Variants in MARCHF1 observed in about 807,000 individuals in gnomAD.
The protein encoded by MARCHF1 is E3 ubiquitin-protein ligase MARCHF1.
Under a neutral mutation model 54.2 loss-of-function variants are expected in MARCHF1, and 40 were observed. The observed-to-expected ratio is 0.74, with a 90% CI of 0.57 to 0.96. MARCHF1 has a LOEUF of 0.96. MARCHF1 is among the 40% of genes least tolerant of loss of function. The pLI is 0.00. For synonymous variants in MARCHF1, 236 were observed against 236.3 expected, an observed-to-expected ratio of 1.00 and a Z score of 0.01; for missense variants, 586 against 656.5, an observed-to-expected ratio of 0.89 and a Z score of 1.17.
chr4:164,052,389 G>A (rs1272898694), intron 2 of MARCHF1, among the ~76,000 whole-genome samples: 1 of 151,986 alleles, frequency 6.6e-6, no homozygotes, highest in East Asian at 1.9e-4. Flanking sequence ...AAAATTAGCT[G>A]GGCGTGGTGG....
At chr4:163,738,898 T>C (rs544619972) in intron 4 of MARCHF1, among the ~76,000 whole-genome samples, 7 of 152,314 alleles carry the variant, frequency 4.6e-5, no homozygotes, top group African/African-American at 1.7e-4. Context: ...ACCTCCTTCC[T>C]ACATTGTTTT....
chr4:164,208,992 A>C (rs376404310), intron 1 of MARCHF1, among the ~76,000 whole-genome samples: 28 of 150,456 alleles, frequency 1.9e-4, no homozygotes, highest in Admixed American at 4.0e-4. Context: ...TTCTCTCTCT[A>C]TATATAATAT....
At chr4:163,873,902 T>C (rs1248993295) in intron 3 of MARCHF1, among the ~76,000 whole-genome samples, 1 of 152,176 alleles carries the variant, frequency 6.6e-6, no homozygotes, top group East Asian at 1.9e-4. Context: ...CCTAAGAAAA[T>C]GTTGGCATGT....
rs1307221102 is a variant in MARCHF1, at chr4:163,525,858, A to T, written c.*2890T>A. 6.6e-6 allele frequency: 1 copy of T among 152,130 alleles called. No individual in the cohort carries two copies. Among genetic ancestry groups the T allele is most frequent in the Admixed American group, 6.6e-5 (1 of 15,240 alleles). The allele number at this position is 152,130 out of a possible 1,614,324, so 9.4% of individuals were successfully genotyped here. ...CAAAGCTAAATCGTTTTATTGTTTG[A>T]AAGGGCAAATGTTCCATTGCCACAC... On this transcript the variant is annotated 3_prime_UTR_variant, in exon 10 of 10. Coordinates refer to ENST00000514618, the MANE Select transcript of MARCHF1 (RefSeq NM_001394959.1).
At chr4:164,280,972 G>A (rs1005088097) in intron 1 of MARCHF1, among the ~76,000 whole-genome samples, 1 of 152,098 alleles carries the variant, frequency 6.6e-6, no homozygotes, top group African/African-American at 2.4e-5. Flanking sequence ...GGAATGAAGA[G>A]AGGACTGAAT....
intron 3 of MARCHF1, among the ~76,000 whole-genome samples, chr4:163,936,357 C>T (rs748355190): frequency 3.9e-5 from 6 of 152,154 alleles, no homozygotes; most frequent in Non-Finnish European, 8.8e-5. Context: ...TTGCCACAAA[C>T]CTTCAGTGTG....
chr4:164,016,707 A>G (rs543977534), intron 2 of MARCHF1, among the ~76,000 whole-genome samples: 6 of 152,284 alleles, frequency 3.9e-5, no homozygotes, highest in Non-Finnish European at 7.4e-5. Context: ...GGGTACAAAA[A>G]TACAGTTAGA....
At chr4:164,137,009 G>A (rs1756416659) in intron 1 of MARCHF1, among the ~76,000 whole-genome samples, 1 of 152,072 alleles carries the variant, frequency 6.6e-6, no homozygotes, top group Non-Finnish European at 1.5e-5. Flanking sequence ...ATATGTTAAA[G>A]TTTTGTTAGG....
intron 4 of MARCHF1, among the ~76,000 whole-genome samples, chr4:163,852,218 G>A (rs1472657943): frequency 6.6e-6 from 1 of 152,068 alleles, no homozygotes; most frequent in Non-Finnish European, 1.5e-5. Context: ...GTGGCACTAG[G>A]AATGTCAATT....
chr4:163,783,326 C>T (rs964202600), intron 4 of MARCHF1, among the ~76,000 whole-genome samples: 1 of 152,186 alleles, frequency 6.6e-6, no homozygotes, highest in East Asian at 1.9e-4. Context: ...AGAACCTATC[C>T]TGACTAGCTT....
rs939826252 is a variant in MARCHF1 at position 164,123,015 on chromosome 4, C to G, written c.-322-11353G>C. On this transcript the variant is annotated intron_variant, in intron 1 of 9. Coordinates refer to ENST00000514618, the MANE Select transcript of MARCHF1 (RefSeq NM_001394959.1). ...GCATCCAAACTGGAAAGGAAGAAGT[C>G]AAATTATCCTTGTTTTCAGATGATA... 2.0e-5 allele frequency among the ~76,000 whole-genome samples: 3 copies of G among 152,042 alleles called. No individual in the cohort carries two copies. In the East Asian group the frequency reaches 5.8e-4, roughly 29 times the overall value.
chr4:163,562,327 A>C (rs373653096), intron 8 of MARCHF1, among the ~76,000 whole-genome samples: 1 of 141,126 alleles, frequency 7.1e-6, no homozygotes, highest in Non-Finnish European at 1.6e-5. Context: ...AAAACAAAAC[A>C]AAACCCAACA....
At chr4:164,016,514 A>G (rs112344861) in intron 2 of MARCHF1, among the ~76,000 whole-genome samples, 52 of 152,302 alleles carry the variant, frequency 3.4e-4, no homozygotes, top group African/African-American at 1.2e-3. Flanking sequence ...AATGCAATAA[A>G]ATGGATGGAA....
At chr4:163,589,966 G>T (rs974195565) in intron 7 of MARCHF1, among the ~76,000 whole-genome samples, 3 of 151,914 alleles carry the variant, frequency 2.0e-5, no homozygotes, top group Non-Finnish European at 4.4e-5. Flanking sequence ...TACCATTTAT[G>T]ACTGAATAAA....
rs894580206 is a variant in MARCHF1, at chr4:163,776,963, CAT to C, written c.112-76102_112-76101del. On this transcript the variant is annotated intron_variant, in intron 4 of 9. Transcript: ENST00000514618. ...ACAATGCCTTTGTACTCCCTTTACA[CAT>C]GTTTTTATTCTAACCTGTTTTGCTT... 7.9e-5 allele frequency among the ~76,000 whole-genome samples: 12 copies of C among 152,258 alleles called. No individual in the cohort carries two copies. The East Asian group carries it at 1.4e-3, about 17-fold the overall frequency.
At chr4:164,050,275 C>CAAAAAAAAAAAAAAAAA (rs34642436) in intron 2 of MARCHF1, among the ~76,000 whole-genome samples, 6 of 40,192 alleles carry the variant, frequency 1.5e-4, no homozygotes, top group Non-Finnish European at 2.1e-4. Context: ...ACACTGTCTC[C>CAAAAAAAAAAAAAAAAA]AAAAAAAAAA....
chr4:163,855,979 A>G (rs781522536), intron 3 of MARCHF1, among the ~76,000 whole-genome samples: 4 of 152,186 alleles, frequency 2.6e-5, no homozygotes, highest in Non-Finnish European at 4.4e-5. Context: ...GCATCGATCT[A>G]TTCTAGAGAA....
In MARCHF1 at chr4:164,275,429, C is replaced by T. The variant is rs1380015378; in HGVS notation, c.-323+108441G>A. ...AACATTGCTGCACTTATTTTTTATT[C>T]TACTCTGACATTAGAATAATCCTTG... On this transcript the variant is annotated intron_variant, in intron 1 of 9. Transcript: ENST00000514618. Among the ~76,000 whole-genome samples the T allele has an allele frequency of 2.0e-5, 3 of 152,172 alleles. No homozygotes were observed. In the East Asian group the frequency reaches 5.8e-4, roughly 30 times the overall value.
chr4:164,297,131 A>T (rs1366747397), intron 1 of MARCHF1, among the ~76,000 whole-genome samples: 1 of 152,208 alleles, frequency 6.6e-6, no homozygotes, highest in African/African-American at 2.4e-5. Context: ...GACTATAGAA[A>T]ATATGTAAAA....
Sources: allele counts gnomAD v4.1 joint callset (sites outside exome capture counted in the v4.1 genomes callset), GRCh38; gene constraint gnomAD v4.1.1; transcripts MANE v1.5; gene names NCBI Gene and HGNC (gene_info 2026-07-23, HGNC 2026-07-21).